Variants in CNTN5 observed in about 807,000 individuals in gnomAD.
CNTN5 encodes contactin-5.
CNTN5 carries 77 observed loss-of-function variants against 129.1 expected under a neutral mutation model. That is an observed-to-expected ratio of 0.60 (90% confidence interval 0.50 to 0.72). The LOEUF is 0.72. Ranked by LOEUF, CNTN5 falls within the 30% of genes least tolerant of loss-of-function variation. CNTN5 has a pLI of 0.00. For synonymous variants in CNTN5, 509 were observed against 465.6 expected, an observed-to-expected ratio of 1.09 and a Z score of -1.20; for missense variants, 1,478 against 1,328.8, an observed-to-expected ratio of 1.11 and a Z score of -1.75.
At chr11:100,137,193 CAT>C (rs943492754) in intron 13 of CNTN5, among the ~76,000 whole-genome samples, 5 of 152,042 alleles carry the variant, frequency 3.3e-5, no homozygotes, top group African/African-American at 7.2e-5. Context: ...TCTTCCATCA[CAT>C]GTGTCAAATA....
chr11:99,519,879 G>GTT (rs1207537539), intron 2 of CNTN5, among the ~76,000 whole-genome samples: 2 of 152,046 alleles, frequency 1.3e-5, no homozygotes, highest in Non-Finnish European at 2.9e-5. Flanking sequence ...TGCATTTAAT[G>GTT]TTTTTACCCC....
At chr11:100,137,701 C>T (rs1946570899) in intron 13 of CNTN5, among the ~76,000 whole-genome samples, 1 of 152,052 alleles carries the variant, frequency 6.6e-6, no homozygotes, top group Admixed American at 6.6e-5. Flanking sequence ...CTATGAGCTT[C>T]AGTTCTGCTG....
intron 4 of CNTN5, among the ~76,000 whole-genome samples, chr11:99,831,236 A>G (rs1030426888): frequency 5.3e-5 from 8 of 152,174 alleles, no homozygotes; most frequent in Non-Finnish European, 1.0e-4. Context: ...ATAATAATCC[A>G]TGCTTCAGGA....
intron 3 of CNTN5, among the ~76,000 whole-genome samples, chr11:99,657,313 T>A (rs1952412879): frequency 6.6e-6 from 1 of 152,072 alleles, no homozygotes; most frequent in East Asian, 1.9e-4. Context: ...GTACAACAAA[T>A]GTATAAAATA....
At chr11:99,991,075 G>A (rs571045981) in intron 8 of CNTN5, among the ~76,000 whole-genome samples, 1 of 152,326 alleles carries the variant, frequency 6.6e-6, no homozygotes, top group Admixed American at 6.5e-5. Flanking sequence ...GCCCTGTCTA[G>A]TGTTATGAAT....
intron 2 of CNTN5, among the ~76,000 whole-genome samples, chr11:99,369,505 G>A (rs1939700071): frequency 6.6e-6 from 1 of 151,340 alleles, no homozygotes; most frequent in Non-Finnish European, 1.5e-5. Context: ...CTGATAATAT[G>A]TTCTTCCAAA....
At chr11:99,364,277 A>C (rs1939309426) in intron 2 of CNTN5, among the ~76,000 whole-genome samples, 1 of 152,260 alleles carries the variant, frequency 6.6e-6, no homozygotes, top group South Asian at 2.1e-4. Context: ...AACTTCCTTA[A>C]GTATCACAGT....
intron 1 of CNTN5, among the ~76,000 whole-genome samples, chr11:99,195,354 G>A (rs1176980293): frequency 6.6e-6 from 1 of 152,016 alleles, no homozygotes; most frequent in Non-Finnish European, 1.5e-5. Context: ...TAGTACAGAT[G>A]CCCAGAACTG....
At chr11:99,093,859 C>T (rs1011624990) in intron 1 of CNTN5, among the ~76,000 whole-genome samples, 1 of 151,968 alleles carries the variant, frequency 6.6e-6, no homozygotes, top group African/African-American at 2.4e-5. Flanking sequence ...AATTTAATAA[C>T]TTGTCTAAAT....
chr11:99,854,772 C>T (rs1045861611), intron 6 of CNTN5, among the ~76,000 whole-genome samples: 2 of 152,000 alleles, frequency 1.3e-5, no homozygotes, highest in African/African-American at 4.8e-5. Context: ...GGCCACAAAA[C>T]ATGTTGAGAG....
At chr11:99,421,533 T>A (rs758087980) in intron 2 of CNTN5, among the ~76,000 whole-genome samples, 9 of 152,202 alleles carry the variant, frequency 5.9e-5, no homozygotes, top group Non-Finnish European at 1.3e-4. Context: ...ATCAAGAAAT[T>A]ATAGCACCTT....
At chr11:99,313,864 C>T (rs1186116684) in intron 1 of CNTN5, among the ~76,000 whole-genome samples, 6 of 151,932 alleles carry the variant, frequency 3.9e-5, no homozygotes, top group Non-Finnish European at 7.4e-5. Context: ...ATTGCTTCAT[C>T]CTTAGTCGTA....
intron 4 of CNTN5, among the ~76,000 whole-genome samples, chr11:99,830,138 GTTCTTC>G (rs561022332): frequency 3.9e-5 from 6 of 152,190 alleles, no homozygotes; most frequent in African/African-American, 1.2e-4. Context: ...CGGGGAGCAT[GTTCTTC>G]TGTTTGTCCT....
intron 1 of CNTN5, among the ~76,000 whole-genome samples, chr11:99,288,129 C>G (rs1156814787): frequency 6.6e-6 from 1 of 151,606 alleles, no homozygotes; most frequent in Non-Finnish European, 1.5e-5. Flanking sequence ...CATGCATAAG[C>G]AAAAATGTGT....
intron 1 of CNTN5, among the ~76,000 whole-genome samples, chr11:99,199,020 A>G (rs764265227): frequency 1.3e-5 from 2 of 152,202 alleles, no homozygotes; most frequent in Non-Finnish European, 2.9e-5. Context: ...GGAATAAAGA[A>G]GGAATAAATA....
At chr11:99,326,655 C>A (rs1565493182) in intron 2 of CNTN5, among the ~76,000 whole-genome samples, 2 of 152,072 alleles carry the variant, frequency 1.3e-5, no homozygotes, top group Non-Finnish European at 2.9e-5. Context: ...TTAAATCATG[C>A]CAGTCTGTCA....
At chr11:100,247,727 C>T (rs1949874871) in intron 16 of CNTN5, among the ~76,000 whole-genome samples, 1 of 152,104 alleles carries the variant, frequency 6.6e-6, no homozygotes, top group Non-Finnish European at 1.5e-5. Flanking sequence ...AATACATCAG[C>T]TTTGCAGGTA....
intron 3 of CNTN5, among the ~76,000 whole-genome samples, chr11:99,591,337 C>CTT (rs10633238): frequency 0.36 from 40,822 of 112,676 alleles, 9,236 homozygotes; most frequent in East Asian, 0.7. Flanking sequence ...TCAACAAAAC[C>CTT]TTTTTTTTTT....
intron 1 of CNTN5, among the ~76,000 whole-genome samples, chr11:99,111,449 C>G (rs960187314): frequency 1.2e-4 from 18 of 152,024 alleles, no homozygotes; most frequent in African/African-American, 4.3e-4. Flanking sequence ...TGTTTCCCCA[C>G]TTCTCCACAA....
Sources: gnomAD v4.1 joint callset for allele counts (sites outside exome capture counted in the v4.1 genomes callset) on GRCh38, gnomAD v4.1.1 for gene constraint, MANE v1.5 for transcripts, NCBI Gene and HGNC (gene_info 2026-07-23, HGNC 2026-07-21) for gene names.